The following PTPN13 variants were observed in gnomAD, a reference collection of about 807,000 sequenced individuals.
The protein encoded by PTPN13 is protein tyrosine phosphatase non-receptor type 13.
A neutral mutation model predicts 284.0 loss-of-function variants in PTPN13; 191 were observed. That is an observed-to-expected ratio of 0.67 (90% CI 0.60 to 0.76). PTPN13 has a LOEUF of 0.76. Among genes scored for constraint, PTPN13 ranks in the 30% least tolerant of loss-of-function variants. The pLI is 0.00. For synonymous variants in PTPN13, 986 were observed against 1,022.3 expected (o/e 0.96, Z 0.68); for missense variants, 2,797 against 2,939.9 (o/e 0.95, Z 1.12).
chr4:86,750,385 G>A, intron 17 of PTPN13, 85 bp from the exon 18 acceptor site: 1 of 1,248,344 alleles, frequency 8.0e-7, no homozygotes, highest in Non-Finnish European at 1.1e-6. Flanking sequence ...ATTAAAAACT[G>A]CATGCTGCTT....
At chr4:86,615,439 C>T (rs530977913) in intron 1 of PTPN13, among the ~76,000 whole-genome samples, 1 of 152,104 alleles carries the variant, frequency 6.6e-6, no homozygotes, top group African/African-American at 2.4e-5. Flanking sequence ...TGTTTTGATC[C>T]TCATTTTCAT....
chr4:86,721,673 TTCCCTTCCCCTCTCCCTCTCCCCCGC>T, intron 9 of PTPN13, among the ~76,000 whole-genome samples: 1 of 150,172 alleles, frequency 6.7e-6, no homozygotes, highest in African/African-American at 2.5e-5. Flanking sequence ...ATGTATTTCC[TTCCCTTCCCCTCTCCCTCTCCCCCGC>T]TCCCTCCCCC....
chr4:86,619,159 C>G (rs904170311), intron 1 of PTPN13, among the ~76,000 whole-genome samples: 2 of 152,162 alleles, frequency 1.3e-5, no homozygotes, highest in African/African-American at 2.4e-5. Context: ...AAACAACTGA[C>G]ACGGTAGCCT....
Position 86,764,633 on chromosome 4 carries a change from T to C in PTPN13, c.4058T>C (p.Phe1353Ser), listed in dbSNP as rs747179193. 6 of 1,570,226 alleles carry C rather than the reference T, an allele frequency of 3.8e-6. No individual in the cohort carries two copies. The African/African-American group carries it at 6.8e-5, about 18-fold the overall frequency. Residue 1353 changes from phenylalanine (F) to serine (S), a missense_variant, in exon 25 of 48, where the codon TTT becomes TCT. Physicochemically the swap from Phe to Ser is radical, Grantham distance 155. Coordinates refer to ENST00000411767, the MANE Select transcript of PTPN13 (RefSeq NM_080683.3). ...GTGAATACATCCAACAAGATGAATTTTAAAACTTTTTCTTCATCACCTCCT... is the reference window on the plus strand; with the variant it reads ...GTGAATACATCCAACAAGATGAATTCTAAAACTTTTTCTTCATCACCTCCT... The part of the protein sequence containing the change: ...SSVNTSNKMN[F>S]KTFSSSPPKP...
At chr4:86,680,859 C>T (rs1008242419) in intron 3 of PTPN13, among the ~76,000 whole-genome samples, 3 of 152,172 alleles carry the variant, frequency 2.0e-5, no homozygotes, top group African/African-American at 7.2e-5. Context: ...TCCCTGTTTT[C>T]AGGTTTCCAC....
chr4:86,722,332 C>G lies in PTPN13; in HGVS notation c.1506C>G (p.Ser502Arg). Residue 502 changes from serine (S) to arginine (R), a missense_variant, in exon 10 of 48, where the codon AGC becomes AGG. Transcript: ENST00000411767. ...AKMALRQSRL[S>R]LYPGDTIKAS... ...TGGCCCTTAGACAGTCTCGGTTGAG[C>G]CTATATCCAGGAGACACAATCAAAG... The G allele has an allele frequency of 6.2e-7, 1 of 1,613,632 alleles. No homozygotes were observed. Among genetic ancestry groups the G allele is most frequent in the African/African-American group, 1.3e-5 (1 of 74,960 alleles).
chr4:86,667,780 G>A (rs1727248752), intron 2 of PTPN13, among the ~76,000 whole-genome samples: 1 of 152,152 alleles, frequency 6.6e-6, no homozygotes, highest in Admixed American at 6.5e-5. Context: ...GCCTGAATAT[G>A]CAAAGGGATT....
rs573240662 is a variant in PTPN13, at chr4:86,701,957, C to T, written c.1195+156C>T. Among the ~76,000 whole-genome samples the T allele has an allele frequency of 2.0e-5, 3 of 152,280 alleles. No individual in the cohort carries two copies. In the East Asian group the frequency reaches 5.8e-4, roughly 29 times the overall value. Reference sequence around the variant, plus strand: ...TTACTTCTCTGTCAATTTCTGTTCTCCCTTCCATCAAAACCCTAATTGAAA... The same window carrying T: ...TTACTTCTCTGTCAATTTCTGTTCTTCCTTCCATCAAAACCCTAATTGAAA... On this transcript the variant is annotated intron_variant, in intron 7 of 47. Coordinates refer to ENST00000411767, the MANE Select transcript of PTPN13 (RefSeq NM_080683.3).
chr4:86,697,137 C>A (rs1227076745), intron 6 of PTPN13, among the ~76,000 whole-genome samples: 1 of 151,988 alleles, frequency 6.6e-6, no homozygotes, highest in Non-Finnish European at 1.5e-5. Context: ...TTCTAAGACA[C>A]CTAGGACACT....
chr4:86,809,524 C>T (rs1003826209), intron 45 of PTPN13, among the ~76,000 whole-genome samples: 2 of 151,978 alleles, frequency 1.3e-5, no homozygotes, highest in Non-Finnish European at 2.9e-5. Context: ...ATGGTGAAAC[C>T]CCATCTCTAC....
At chr4:86,812,021 C>G (rs911545671) in intron 47 of PTPN13, among the ~76,000 whole-genome samples, 4 of 152,130 alleles carry the variant, frequency 2.6e-5, no homozygotes, top group Admixed American at 6.6e-5. Flanking sequence ...GTATTAGGAA[C>G]TCTTCTAGGC....
chr4:86,792,828 C>T (rs988591294), intron 40 of PTPN13, among the ~76,000 whole-genome samples: 6 of 152,168 alleles, frequency 3.9e-5, no homozygotes, highest in African/African-American at 1.2e-4. Flanking sequence ...TTGTCACCAC[C>T]AGGCCTGCCT....
chr4:86,726,984 TCCACC>T (rs1734341777), intron 10 of PTPN13, among the ~76,000 whole-genome samples: 1 of 149,442 alleles, frequency 6.7e-6, no homozygotes, highest in African/African-American at 2.4e-5. Flanking sequence ...TGAAGTAAGT[TCCACC>T]AATACCTAGT....
At chr4:86,709,857 G>C (rs1565381232) in intron 7 of PTPN13, among the ~76,000 whole-genome samples, 1 of 142,526 alleles carries the variant, frequency 7.0e-6, no homozygotes, top group Non-Finnish European at 1.6e-5. Context: ...ATATATTTTA[G>C]ATCTATAGAG....
intron 21 of PTPN13, 147 bp downstream of exon 21, chr4:86,758,496 C>A: frequency 1.1e-6 from 1 of 892,708 alleles, no homozygotes; most frequent in Non-Finnish European, 1.7e-6. Context: ...TCAACCTACC[C>A]GCCCAGTCAC....
chr4:86,794,003 G>A (rs1234133974), intron 40 of PTPN13, among the ~76,000 whole-genome samples: 2 of 152,110 alleles, frequency 1.3e-5, no homozygotes, highest in East Asian at 1.9e-4. Context: ...TAAGATCAGA[G>A]CAGAACTGAA....
At chr4:86,635,418 G>A in intron 2 of PTPN13, 47 bp downstream of exon 2, 5 of 1,550,558 alleles carry the variant, frequency 3.2e-6, no homozygotes, top group Non-Finnish European at 4.4e-6. Flanking sequence ...TTCAGTATTG[G>A]GTACTTAAAA....
At chr4:86,806,905 A>G (rs974021276) in intron 44 of PTPN13, among the ~76,000 whole-genome samples, 2 of 152,184 alleles carry the variant, frequency 1.3e-5, no homozygotes, top group Non-Finnish European at 2.9e-5. Context: ...TTTTCACTGG[A>G]GCAGCCTGGT....
chr4:86,800,671 GAGAA>G (rs918873672), intron 42 of PTPN13, among the ~76,000 whole-genome samples: 9 of 143,388 alleles, frequency 6.3e-5, no homozygotes, highest in Non-Finnish European at 1.2e-4. Flanking sequence ...AAGAGAGAGA[GAGAA>G]AGAGAGAGAA....
Sources: gnomAD v4.1 joint callset for allele counts (sites outside exome capture counted in the v4.1 genomes callset) on GRCh38, gnomAD v4.1.1 for gene constraint, MANE v1.5 for transcripts, NCBI Gene and HGNC (gene_info 2026-07-23, HGNC 2026-07-21) for gene names.